The following THSD7B variants were observed in gnomAD, a reference collection of about 807,000 sequenced individuals.
The protein encoded by THSD7B is thrombospondin type 1 domain containing 7B.
THSD7B carries 138 observed loss-of-function variants against 213.6 expected under a neutral mutation model. The ratio of observed to expected loss-of-function variants is 0.65; its 90% CI spans 0.56 to 0.74. The LOEUF is 0.74. THSD7B is among the 30% of genes least tolerant of loss of function. The pLI is 0.00. For synonymous variants in THSD7B, 742 were observed against 687.0 expected (o/e 1.08, Z -1.25); for missense variants, 1,931 against 1,991.5 (o/e 0.97, Z 0.58).
rs139894789 is a variant in THSD7B at position 136,851,800 on chromosome 2, A to C, written c.-35-30344A>C. Among the ~76,000 whole-genome samples, 130 of 152,246 alleles carry C rather than the reference A, an allele frequency of 8.5e-4. 1 individual carries two copies. The East Asian group carries it at 0.024, about 29-fold the overall frequency. On this transcript the variant is annotated intron_variant, in intron 1 of 27. Coordinates refer to ENST00000409968, the MANE Select transcript of THSD7B (RefSeq NM_001316349.2). ...AGTAATTCATATTGGCTAAGCTCCAAATCAAGGGATGTGGAAATATCCTCA... is the reference window on the plus strand; with the variant it reads ...AGTAATTCATATTGGCTAAGCTCCACATCAAGGGATGTGGAAATATCCTCA...
chr2:137,062,885 C>T (rs927757376), intron 3 of THSD7B, among the ~76,000 whole-genome samples: 3 of 151,718 alleles, frequency 2.0e-5, no homozygotes, highest in African/African-American at 7.3e-5. Context: ...ATGGATCTGT[C>T]GATTACTAGA....
intron 12 of THSD7B, among the ~76,000 whole-genome samples, chr2:137,348,275 T>G (rs1292202823): frequency 6.6e-6 from 1 of 151,720 alleles, no homozygotes; most frequent in African/African-American, 2.4e-5. Flanking sequence ...AAGTATGATT[T>G]AATAAGTAAA....
chr2:137,200,588 A>T (rs1680855065), intron 7 of THSD7B, among the ~76,000 whole-genome samples: 1 of 152,126 alleles, frequency 6.6e-6, no homozygotes, highest in African/African-American at 2.4e-5. Context: ...ATAAATAGAA[A>T]TTCCTGACTT....
chr2:137,658,940 G>T (rs1381024974), intron 24 of THSD7B, among the ~76,000 whole-genome samples: 1 of 152,170 alleles, frequency 6.6e-6, no homozygotes, highest in African/African-American at 2.4e-5. Flanking sequence ...TCTAGGCTTT[G>T]TCTCATGTCT....
intron 5 of THSD7B, among the ~76,000 whole-genome samples, chr2:137,155,184 T>C (rs1367345244): frequency 6.6e-6 from 1 of 152,240 alleles, no homozygotes; most frequent in African/African-American, 2.4e-5. Flanking sequence ...ATTTTGACTC[T>C]TTAACATTTT....
intron 4 of THSD7B, among the ~76,000 whole-genome samples, chr2:137,109,074 G>A (rs62172292): frequency 0.16 from 24,517 of 152,014 alleles, 2,053 homozygotes; most frequent in Admixed American, 0.18. Context: ...AATATATCCC[G>A]AATCTAATCT....
chr2:137,226,404 A>T (rs1681505790), intron 7 of THSD7B, among the ~76,000 whole-genome samples: 1 of 150,822 alleles, frequency 6.6e-6, no homozygotes, highest in African/African-American at 2.4e-5. Flanking sequence ...CTCTCTTTAG[A>T]CACCTGTACT....
intron 20 of THSD7B, among the ~76,000 whole-genome samples, chr2:137,623,694 CAG>C (rs1393360877): frequency 6.6e-6 from 1 of 152,110 alleles, no homozygotes; most frequent in African/African-American, 2.4e-5. Flanking sequence ...AACAGACAAA[CAG>C]AGAGCCAAAT....
At chr2:137,415,402 G>T (rs532545235) in intron 14 of THSD7B, among the ~76,000 whole-genome samples, 3 of 152,178 alleles carry the variant, frequency 2.0e-5, no homozygotes, top group Admixed American at 2.0e-4. Context: ...TTGGCTTTCG[G>T]AGTATCACAA....
intron 12 of THSD7B, among the ~76,000 whole-genome samples, chr2:137,399,775 C>T (rs1449472581): frequency 6.6e-6 from 1 of 152,028 alleles, no homozygotes; most frequent in Non-Finnish European, 1.5e-5. Flanking sequence ...TCAGTTATTT[C>T]CTTAAATAAG....
chr2:137,295,731 C>T (rs1470278193), intron 12 of THSD7B, among the ~76,000 whole-genome samples: 1 of 152,134 alleles, frequency 6.6e-6, no homozygotes, highest in African/African-American at 2.4e-5. Context: ...GCCTCATCCT[C>T]CCAAAGTGCT....
At chr2:137,281,056 C>T (rs372365114) in intron 12 of THSD7B, among the ~76,000 whole-genome samples, 4 of 152,040 alleles carry the variant, frequency 2.6e-5, no homozygotes, top group Non-Finnish European at 2.9e-5. Context: ...TACTGGAGAT[C>T]GAAATCACTT....
chr2:137,368,213 T>C (rs1283459263), intron 12 of THSD7B, among the ~76,000 whole-genome samples: 2 of 152,074 alleles, frequency 1.3e-5, no homozygotes, highest in East Asian at 1.9e-4. Flanking sequence ...GGATGGACTT[T>C]GGGTATATGA....
intron 15 of THSD7B, among the ~76,000 whole-genome samples, chr2:137,457,709 TTAAA>T (rs1687789690): frequency 6.6e-6 from 1 of 152,180 alleles, no homozygotes; most frequent in Non-Finnish European, 1.5e-5. Flanking sequence ...CATTTAAGCT[TTAAA>T]TAAAGAGTGA....
chr2:137,273,078 AC>A (rs2104807791), intron 11 of THSD7B, among the ~76,000 whole-genome samples: 1 of 151,096 alleles, frequency 6.6e-6, no homozygotes, highest in South Asian at 2.1e-4. Flanking sequence ...ACAGGTGGTA[AC>A]TTACCTTCAT....
intron 26 of THSD7B, among the ~76,000 whole-genome samples, chr2:137,665,215 T>A (rs192987384): frequency 5.3e-4 from 80 of 152,294 alleles, no homozygotes; most frequent in Non-Finnish European, 9.4e-4. Flanking sequence ...GTTCACCCAT[T>A]GCCTGTGGAT....
Position 137,528,181 on chromosome 2 carries a change from G to A in THSD7B, c.3139-35040G>A, listed in dbSNP as rs548907343. Among the ~76,000 whole-genome samples, 13 of 152,136 alleles carry A rather than the reference G, an allele frequency of 8.5e-5. No homozygotes were observed. In the East Asian group the frequency reaches 9.7e-4, roughly 11 times the overall value. On this transcript the variant is annotated intron_variant, in intron 15 of 27. Coordinates refer to ENST00000409968, the MANE Select transcript of THSD7B (RefSeq NM_001316349.2). ...CCAAAATTGATGTTTGTTGTATTTC[G>A]TTGTGCCCAAAATTGGGGTTTGTTG...
chr2:137,573,364 G>C (rs1681396676), intron 17 of THSD7B, among the ~76,000 whole-genome samples: 1 of 152,008 alleles, frequency 6.6e-6, no homozygotes, highest in South Asian at 2.1e-4. Context: ...TCTCTGTATG[G>C]AAATGGAAAA....
At chr2:137,202,928 G>C (rs6711433) in intron 7 of THSD7B, among the ~76,000 whole-genome samples, 1 of 151,870 alleles carries the variant, frequency 6.6e-6, no homozygotes, top group Non-Finnish European at 1.5e-5. Flanking sequence ...GAGAGATGAT[G>C]GCTAGATAAT....
Sources: gnomAD v4.1 joint callset for allele counts (sites outside exome capture counted in the v4.1 genomes callset) on GRCh38, gnomAD v4.1.1 for gene constraint, MANE v1.5 for transcripts, NCBI Gene and HGNC (gene_info 2026-07-23, HGNC 2026-07-21) for gene names.